Variants in LMCD1 observed in about 807,000 individuals in gnomAD.
LMCD1 encodes LIM and cysteine-rich domains protein 1.
In LMCD1, 32 loss-of-function variants were observed where a neutral mutation model predicts 42.7. That is an observed-to-expected ratio of 0.75 (90% confidence interval 0.57 to 1.01). The LOEUF is 1.01. LMCD1 is among the 50% of genes least tolerant of loss of function. LMCD1 has a pLI of 0.00. For missense variants in LMCD1, 458 were observed against 483.1 expected, an observed-to-expected ratio of 0.95 and a Z score of 0.49; for synonymous variants, 178 against 184.9, an observed-to-expected ratio of 0.96 and a Z score of 0.30.
intron 1 of LMCD1, among the ~76,000 whole-genome samples, chr3:8,510,191 C>T (rs1307242538): frequency 6.6e-6 from 1 of 152,112 alleles, no homozygotes. Flanking sequence ...AGGTGACTGA[C>T]CCGTGCAATC....
chr3:8,556,995 G>T (rs1694941809), intron 4 of LMCD1, among the ~76,000 whole-genome samples: 1 of 152,144 alleles, frequency 6.6e-6, no homozygotes, highest in Non-Finnish European at 1.5e-5. Flanking sequence ...TATGAGCCAG[G>T]GCCTGCCACG....
At chr3:8,514,825 C>A (rs1286821895) in intron 1 of LMCD1, 2 of 395,184 alleles carry the variant, frequency 5.1e-6, no homozygotes, top group Admixed American at 5.6e-5. Context: ...TGATAGAAAT[C>A]AGAATAGCAA....
chr3:8,562,829 G>T (rs1695063256), intron 4 of LMCD1, among the ~76,000 whole-genome samples: 1 of 152,114 alleles, frequency 6.6e-6, no homozygotes, highest in Non-Finnish European at 1.5e-5. Context: ...GGCATTATCT[G>T]CCTGGGTCAC....
intron 4 of LMCD1, among the ~76,000 whole-genome samples, chr3:8,563,871 G>C (rs992220889): frequency 6.6e-6 from 1 of 152,180 alleles, no homozygotes; most frequent in African/African-American, 2.4e-5. Context: ...TTTGCCCCGT[G>C]ATCTTCCTCC....
chr3:8,510,978 A>G (rs1440490748), intron 1 of LMCD1, among the ~76,000 whole-genome samples: 3 of 152,236 alleles, frequency 2.0e-5, no homozygotes, highest in African/African-American at 7.2e-5. Context: ...GTAAACATAT[A>G]TGCACACACA....
chr3:8,536,735 T>C (rs979371804), intron 2 of LMCD1, among the ~76,000 whole-genome samples: 5 of 152,220 alleles, frequency 3.3e-5, no homozygotes, highest in African/African-American at 1.2e-4. Context: ...TTGTAACTAC[T>C]AACTCTGCTG....
intron 1 of LMCD1, among the ~76,000 whole-genome samples, chr3:8,505,144 A>T (rs904016179): frequency 6.6e-6 from 1 of 152,220 alleles, no homozygotes; most frequent in Non-Finnish European, 1.5e-5. Context: ...CAGTGGGTGC[A>T]TGGATGCGGA....
chr3:8,550,849 A>T, intron 4 of LMCD1: 1 of 985,308 alleles, frequency 1.0e-6, no homozygotes. Flanking sequence ...AGCATTTCCA[A>T]ATCGCCATTC....
chr3:8,557,603 A>C lies in LMCD1; in HGVS notation c.724-7829A>C, dbSNP rs150925500. 5.5e-4 allele frequency among the ~76,000 whole-genome samples: 84 copies of C among 152,302 alleles called. 1 individual carries two copies. The East Asian group carries it at 7.0e-3, about 13-fold the overall frequency. On this transcript the variant is annotated intron_variant, in intron 4 of 5. Transcript: ENST00000157600. Reference sequence around the variant, plus strand: ...CCAACACAGTTCAGTCCTTCGAGACAGTTCTTCAGCTGAGTAACCCTTGGC... The same window carrying C: ...CCAACACAGTTCAGTCCTTCGAGACCGTTCTTCAGCTGAGTAACCCTTGGC...
chr3:8,560,757 C>A (rs1046537366), intron 4 of LMCD1, among the ~76,000 whole-genome samples: 3 of 152,158 alleles, frequency 2.0e-5, no homozygotes, highest in Non-Finnish European at 4.4e-5. Flanking sequence ...GGGCTCCAAG[C>A]CAGCTGAGTC....
chr3:8,547,947 G>C (rs564668133), intron 3 of LMCD1, among the ~76,000 whole-genome samples: 5 of 152,246 alleles, frequency 3.3e-5, no homozygotes, highest in African/African-American at 1.2e-4. Flanking sequence ...TACGCATCTA[G>C]GCTACGCAGT....
intron 4 of LMCD1, among the ~76,000 whole-genome samples, chr3:8,560,695 G>A (rs183610221): frequency 6.6e-6 from 1 of 152,356 alleles, no homozygotes; most frequent in East Asian, 1.9e-4. Context: ...GAGGGAGGGT[G>A]AAAATAAGTA....
chr3:8,548,620 C>T lies in LMCD1; in HGVS notation c.440C>T (p.Thr147Ile), dbSNP rs531699233. 5.6e-6 allele frequency: 9 copies of T among 1,614,176 alleles called. No individual in the cohort carries two copies. The East Asian group carries it at 2.0e-4, about 36-fold the overall frequency. Residue 147 changes from threonine to isoleucine, a missense_variant, in exon 4 of 6, where the codon ACA (threonine) becomes ATA (isoleucine). By Grantham distance (89) the Thr-to-Ile change is moderately conservative. Coordinates refer to ENST00000157600, the MANE Select transcript of LMCD1 (RefSeq NM_014583.4). ...AAGGAGAAGCAGCCAGTGACAGGCA[C>T]AGAGGGTGCCTTTTACCGCCGCCGC... ...IPKEKQPVTG[T>I]EGAFYRRRQL... is the part of the protein sequence containing the mutation.
intron 2 of LMCD1, among the ~76,000 whole-genome samples, chr3:8,534,522 G>A (rs1205611909): frequency 6.6e-6 from 1 of 152,158 alleles, no homozygotes; most frequent in African/African-American, 2.4e-5. Flanking sequence ...TCCAAATAGG[G>A]ACTTAAATTA....
Position 8,567,425 on chromosome 3 carries a change from T to G in LMCD1, c.940-15T>G, listed in dbSNP as rs571391148. 6.2e-7 allele frequency: 1 copy of G among 1,612,942 alleles called. No homozygotes were observed. The highest frequency in any genetic ancestry group is 2.2e-5 in the East Asian group (1 of 44,848). On this transcript the variant is annotated splice_polypyrimidine_tract_variant and intron_variant, in intron 5 of 5. Transcript: ENST00000157600. ...CAGAAACTGAGTCATGCATTTCTCCTGCTCCCCTCCCCAGATAATATTCGC... is the reference window on the plus strand; with the variant it reads ...CAGAAACTGAGTCATGCATTTCTCCGGCTCCCCTCCCCAGATAATATTCGC...
chr3:8,535,330 T>C (rs1048989399), intron 2 of LMCD1, among the ~76,000 whole-genome samples: 2 of 152,212 alleles, frequency 1.3e-5, no homozygotes, highest in Non-Finnish European at 2.9e-5. Context: ...TTAATTTTTT[T>C]TGAGAAGGAA....
At position 8,573,701 on chromosome 3, in the gene LMCD1, T is replaced by G. The variant is rs1228884544; in HGVS notation, c.*6103T>G. The stretch of plus-strand genomic sequence containing the variant: ...AAAACGATCTCCTGGTCTGATTCCT[T>G]TGGGTCTCTAATAATGGAAACTGCA... On this transcript the variant is annotated 3_prime_UTR_variant, in exon 6 of 6. Transcript: ENST00000157600. The G allele has an allele frequency of 5.9e-5, 9 of 152,142 alleles. No homozygotes were observed. The highest frequency in any genetic ancestry group is 2.2e-4 in the African/African-American group (9 of 41,442). 9.4% of individuals were successfully genotyped at this position (152,142 alleles called of 1,614,324 possible). A position where few individuals can be genotyped will look rare whatever the true frequency, so the allele number is the denominator to read the frequency against.
At chr3:8,551,092 G>A in intron 4 of LMCD1, 1 of 985,374 alleles carries the variant, frequency 1.0e-6, no homozygotes, top group Non-Finnish European at 1.2e-6. Flanking sequence ...TATTGGTTGG[G>A]CTAGGCTGGG....
intron 1 of LMCD1, among the ~76,000 whole-genome samples, chr3:8,506,948 C>G (rs985763001): frequency 2.0e-5 from 3 of 152,216 alleles, no homozygotes; most frequent in Admixed American, 6.5e-5. Flanking sequence ...CTTCGTTCCA[C>G]TGAAAGCGGA....
Sources: allele counts gnomAD v4.1 joint callset (sites outside exome capture counted in the v4.1 genomes callset), GRCh38; gene constraint gnomAD v4.1.1; transcripts MANE v1.5; gene names NCBI Gene and HGNC (gene_info 2026-07-23, HGNC 2026-07-21).